The following CADM2 variants were observed in gnomAD, a reference collection of about 807,000 sequenced individuals.
CADM2 encodes the protein immunoglobulin superfamily member 4D.
Under a neutral mutation model 49.8 loss-of-function variants are expected in CADM2, and 12 were observed. The ratio of observed to expected loss-of-function variants is 0.24; its 90% CI spans 0.15 to 0.39. The LOEUF (loss-of-function observed/expected upper bound fraction) is 0.39. Ranked by LOEUF, CADM2 falls within the 10% of genes least tolerant of loss-of-function variation. The probability of loss-of-function intolerance (pLI) is 1.00; values close to 1 mark genes in which losing one functional copy is unlikely to be tolerated. For missense variants in CADM2, 378 were observed against 492.3 expected, an observed-to-expected ratio of 0.77 and a Z score of 2.20; for synonymous variants, 214 against 175.4, an observed-to-expected ratio of 1.22 and a Z score of -1.74.
chr3:85,034,797 T>A, intron 1 of CADM2, among the ~76,000 whole-genome samples: 1 of 133,610 alleles, frequency 7.5e-6, no homozygotes, highest in Admixed American at 7.7e-5. Context: ...TTGCTTTTTT[T>A]TTTTTTTTTT....
At chr3:85,047,431 T>C (rs376947450) in intron 1 of CADM2, among the ~76,000 whole-genome samples, 2 of 152,140 alleles carry the variant, frequency 1.3e-5, no homozygotes, top group Admixed American at 6.6e-5. Context: ...AATTTGTCAA[T>C]TATCTCTCCA....
chr3:85,859,397 A>AT (rs1315774753), intron 3 of CADM2, among the ~76,000 whole-genome samples: 2 of 151,404 alleles, frequency 1.3e-5, no homozygotes, highest in African/African-American at 2.4e-5. Flanking sequence ...CGCCAGGCTA[A>AT]TTTTTTGTAT....
rs186931345 is a variant in CADM2, at chr3:86,047,917, A to G, written c.971-17688A>G. Among the ~76,000 whole-genome samples, 811 of 152,302 alleles carry G rather than the reference A, an allele frequency of 5.3e-3. 4 individuals are homozygous for G. The highest frequency in any genetic ancestry group is 8.6e-3 in the Non-Finnish European group (583 of 68,014). On this transcript the variant is annotated intron_variant, in intron 8 of 9. Transcript: ENST00000383699. The stretch of plus-strand genomic sequence containing the variant: ...TGATAGGAAGAGGAAGATATCGCAA[A>G]GATCACCTTTCAAAATGTTACATTT...
chr3:85,988,867 G>A (rs1357180823), intron 8 of CADM2, among the ~76,000 whole-genome samples: 1 of 152,172 alleles, frequency 6.6e-6, no homozygotes, highest in Non-Finnish European at 1.5e-5. Flanking sequence ...GCTGAACAAT[G>A]AGTGTTTACA....
In CADM2 at chr3:85,679,408, T is replaced by A. The variant is rs569280279; in HGVS notation, c.62-47114T>A. Among the ~76,000 whole-genome samples the A allele has an allele frequency of 2.0e-4, 30 of 152,306 alleles. No homozygotes were observed. The East Asian group carries it at 5.6e-3, about 29-fold the overall frequency. ...ATGAGAGATTAGGCTGGTCTCTGATTGTCTTATGTATATAAGTCTTTTCTC... is the reference window on the plus strand; with the variant it reads ...ATGAGAGATTAGGCTGGTCTCTGATAGTCTTATGTATATAAGTCTTTTCTC... On this transcript the variant is annotated intron_variant, in intron 1 of 9. Coordinates refer to ENST00000383699, the MANE Select transcript of CADM2 (RefSeq NM_001167675.2).
chr3:85,489,716 TAA>T (rs2039584182), intron 1 of CADM2, among the ~76,000 whole-genome samples: 2 of 148,572 alleles, frequency 1.3e-5, no homozygotes, highest in Non-Finnish European at 3.0e-5. Context: ...AACTTTGAAT[TAA>T]AGTGTCCTTC....
At chr3:85,646,964 A>G (rs1172344099) in intron 1 of CADM2, among the ~76,000 whole-genome samples, 1 of 151,728 alleles carries the variant, frequency 6.6e-6, no homozygotes, top group Admixed American at 6.6e-5. Flanking sequence ...TTTTCTTTAT[A>G]ATATATTCTT....
chr3:85,202,469 G>A (rs2041529791), intron 1 of CADM2, among the ~76,000 whole-genome samples: 1 of 152,244 alleles, frequency 6.6e-6, no homozygotes, highest in Admixed American at 6.5e-5. Context: ...TAAGGGTATT[G>A]TTGAGAAGAA....
At chr3:85,913,711 G>A (rs563808348) in intron 6 of CADM2, among the ~76,000 whole-genome samples, 7 of 152,042 alleles carry the variant, frequency 4.6e-5, no homozygotes, top group Non-Finnish European at 1.0e-4. Flanking sequence ...TCTAGGTAGG[G>A]ATGAAAAAAA....
intron 1 of CADM2, among the ~76,000 whole-genome samples, chr3:85,493,543 GT>G (rs2039762874): frequency 6.6e-6 from 1 of 152,132 alleles, no homozygotes; most frequent in Non-Finnish European, 1.5e-5. Flanking sequence ...AAGCACAGTG[GT>G]TAAATTGCCA....
chr3:85,312,735 T>A (rs1189494851), intron 1 of CADM2, among the ~76,000 whole-genome samples: 1 of 152,124 alleles, frequency 6.6e-6, no homozygotes, highest in Admixed American at 6.6e-5. Context: ...CAAATATCAA[T>A]GGGGAATAAA....
intron 2 of CADM2, 87 bp downstream of exon 2, chr3:85,726,635 G>T (rs2067706511): frequency 2.9e-6 from 3 of 1,024,894 alleles, no homozygotes; most frequent in East Asian, 4.8e-5. Flanking sequence ...GAACCAATTC[G>T]GTTGGTGATA....
intron 1 of CADM2, among the ~76,000 whole-genome samples, chr3:85,421,406 T>G (rs1290870363): frequency 6.6e-6 from 1 of 152,156 alleles, no homozygotes; most frequent in African/African-American, 2.4e-5. Context: ...GGTTGTCATC[T>G]CTTCAAATTA....
intron 1 of CADM2, among the ~76,000 whole-genome samples, chr3:85,207,941 T>C (rs1484273506): frequency 6.6e-6 from 1 of 152,166 alleles, no homozygotes; most frequent in Non-Finnish European, 1.5e-5. Flanking sequence ...ATCATGAACC[T>C]CTATTGCAGT....
chr3:85,812,236 A>G (rs2072925675), intron 3 of CADM2, among the ~76,000 whole-genome samples: 1 of 152,134 alleles, frequency 6.6e-6, no homozygotes, highest in Non-Finnish European at 1.5e-5. Flanking sequence ...ATTCCAGGAG[A>G]TGCAAAATGA....
intron 2 of CADM2, among the ~76,000 whole-genome samples, chr3:85,737,263 T>G (rs2068178247): frequency 1.3e-5 from 2 of 152,222 alleles, no homozygotes; most frequent in African/African-American, 4.8e-5. Flanking sequence ...AGTTCTTGTC[T>G]GTATTACTGA....
At chr3:86,054,052 C>T (rs1737638980) in intron 8 of CADM2, among the ~76,000 whole-genome samples, 1 of 151,806 alleles carries the variant, frequency 6.6e-6, no homozygotes, top group Non-Finnish European at 1.5e-5. Context: ...GGACCAGTAA[C>T]AGCAAGATGG....
intron 1 of CADM2, among the ~76,000 whole-genome samples, chr3:85,231,105 T>C (rs2042276644): frequency 6.6e-6 from 1 of 152,180 alleles, no homozygotes; most frequent in Non-Finnish European, 1.5e-5. Flanking sequence ...CTTCTTCTTA[T>C]GAAGACACCA....
chr3:85,220,753 A>G lies in CADM2; in HGVS notation c.61+261085A>G, dbSNP rs145515409. On this transcript the variant is annotated intron_variant, in intron 1 of 9. Transcript: ENST00000383699. ...GGGAGAACTTGAATACCGCCTTAGGAGAAATGATCAGGGTTACTGAGAAGT... is the reference window on the plus strand; with the variant it reads ...GGGAGAACTTGAATACCGCCTTAGGGGAAATGATCAGGGTTACTGAGAAGT... Among the ~76,000 whole-genome samples the G allele has an allele frequency of 1.1e-4, 17 of 152,244 alleles. 1 individual carries two copies. The East Asian group carries it at 3.3e-3, about 29-fold the overall frequency.
Sources: gnomAD v4.1 joint callset for allele counts (sites outside exome capture counted in the v4.1 genomes callset) on GRCh38, gnomAD v4.1.1 for gene constraint, MANE v1.5 for transcripts, NCBI Gene and HGNC (gene_info 2026-07-23, HGNC 2026-07-21) for gene names.